Variants in PHF3 observed in about 807,000 individuals in gnomAD.
PHF3 encodes the protein PHD finger protein 3.
Under a neutral mutation model 178.4 loss-of-function variants are expected in PHF3, and 41 were observed. The ratio of observed to expected loss-of-function variants is 0.23; its 90% confidence interval spans 0.18 to 0.30. The LOEUF (loss-of-function observed/expected upper bound fraction) is 0.30. PHF3 is among the 10% of genes least tolerant of loss of function. The probability of loss-of-function intolerance (pLI) is 1.00; values close to 1 mark genes in which losing one functional copy is unlikely to be tolerated. For synonymous variants in PHF3, 842 were observed against 800.5 expected, an observed-to-expected ratio of 1.05 and a Z score of -0.88; for missense variants, 2,346 against 2,398.1, an observed-to-expected ratio of 0.98 and a Z score of 0.45.
At chr6:63,682,516 G>A (rs927952377) in intron 3 of PHF3, among the ~76,000 whole-genome samples, 1 of 152,052 alleles carries the variant, frequency 6.6e-6, no homozygotes. Context: ...TATAGCTTCA[G>A]TAGGGTTTTG....
chr6:63,678,090 G>C (rs1020500395), intron 2 of PHF3, among the ~76,000 whole-genome samples: 2 of 151,992 alleles, frequency 1.3e-5, no homozygotes, highest in Non-Finnish European at 2.9e-5. Flanking sequence ...GGGCATGATG[G>C]CACACACCTG....
chr6:63,701,868 A>G (rs947223757), intron 9 of PHF3, among the ~76,000 whole-genome samples: 1 of 152,170 alleles, frequency 6.6e-6, no homozygotes, highest in Non-Finnish European at 1.5e-5. Context: ...TCTTAAGGCC[A>G]TGTACCTGAT....
At chr6:63,651,337 C>G (rs527343379) in intron 2 of PHF3, among the ~76,000 whole-genome samples, 1 of 152,066 alleles carries the variant, frequency 6.6e-6, no homozygotes, top group Admixed American at 6.6e-5. Flanking sequence ...AGAATTTATT[C>G]CTCCTATCTA....
At chr6:63,690,152 A>C (rs945419117) in intron 4 of PHF3, among the ~76,000 whole-genome samples, 7 of 152,152 alleles carry the variant, frequency 4.6e-5, no homozygotes, top group Admixed American at 4.6e-4. Flanking sequence ...CAAAAATCTC[A>C]AACCTGTAGG....
chr6:63,664,524 A>G (rs1765598452), intron 2 of PHF3, among the ~76,000 whole-genome samples: 1 of 152,170 alleles, frequency 6.6e-6, no homozygotes, highest in African/African-American at 2.4e-5. Flanking sequence ...ACGTGTATTT[A>G]TATTACTTGT....
At position 63,720,302 on chromosome 6, in the gene PHF3, C is replaced by T; in HGVS notation, c.*6594C>T. The stretch of plus-strand genomic sequence containing the variant: ...TTACACGTTGATTTTAAAATGTAAG[C>T]ATTAGGGATAGGTAAAAAGTGAATA... On this transcript the variant is annotated 3_prime_UTR_variant, in exon 16 of 16. Transcript: ENST00000262043. 1 of 383,096 alleles carries T rather than the reference C, an allele frequency of 2.6e-6. No individual in the cohort carries two copies. The highest frequency in any genetic ancestry group is 3.7e-5 in the East Asian group (1 of 27,216). 23.7% of individuals were successfully genotyped at this position (383,096 alleles called of 1,614,324 possible).
chr6:63,690,184 G>T (rs1345518136), intron 4 of PHF3, among the ~76,000 whole-genome samples: 1 of 152,036 alleles, frequency 6.6e-6, no homozygotes, highest in Non-Finnish European at 1.5e-5. Context: ...TCTTCTAAAC[G>T]TGTGTTAACA....
At chr6:63,677,570 T>G (rs921699325) in intron 2 of PHF3, among the ~76,000 whole-genome samples, 2 of 152,218 alleles carry the variant, frequency 1.3e-5, no homozygotes, top group African/African-American at 4.8e-5. Context: ...GCTCTAAAAT[T>G]CATTACATGA....
chr6:63,673,483 A>G (rs1766014533), intron 2 of PHF3, among the ~76,000 whole-genome samples: 1 of 152,122 alleles, frequency 6.6e-6, no homozygotes, highest in Non-Finnish European at 1.5e-5. Flanking sequence ...TCAACTGCTT[A>G]TTCCACGAAA....
Position 63,706,037 on chromosome 6 carries a change from G to T in PHF3, c.3376G>T (p.Ala1126Ser). 2 of 1,611,166 alleles carry T rather than the reference G, an allele frequency of 1.2e-6. No homozygotes were observed. The highest frequency in any genetic ancestry group is 1.1e-5 in the South Asian group (1 of 90,874). Reference sequence around the variant, plus strand: ...ATGTATTCTGGGCTTAGGTCGAATGGCACCACCTGTAGATGATCTTTCTCC... The same window carrying T: ...ATGTATTCTGGGCTTAGGTCGAATGTCACCACCTGTAGATGATCTTTCTCC... ...LNCKICIGRM[A>S]PPVDDLSPKK... The change falls in exon 12 of 16, where the codon GCA becomes TCA. Residue 1126 changes from alanine to serine, a missense_variant. Coordinates refer to ENST00000262043, the MANE Select transcript of PHF3 (RefSeq NM_001370348.2).
Position 63,706,896 on chromosome 6 carries a change from T to C in PHF3, c.3711+20T>C. On this transcript the variant is annotated intron_variant, in intron 13 of 15. Transcript: ENST00000262043. ...ACAGAGGTACTGTGAACTTTTCTGC[T>C]TTTCTGTGCATGAATTGATAATGTG... 1 of 1,609,576 alleles carries C rather than the reference T, an allele frequency of 6.2e-7. No individual in the cohort carries two copies. The highest frequency in any genetic ancestry group is 8.5e-7 in the Non-Finnish European group (1 of 1,177,310).
At chr6:63,669,944 T>G (rs1422168604) in intron 2 of PHF3, among the ~76,000 whole-genome samples, 1 of 152,204 alleles carries the variant, frequency 6.6e-6, no homozygotes, top group African/African-American at 2.4e-5. Flanking sequence ...AGTAATTCTC[T>G]TATGTGTTCC....
At position 63,716,868 on chromosome 6, in the gene PHF3, G is replaced by T. The variant is rs1034022941; in HGVS notation, c.*3160G>T. ...ATTGACCCCACCCAGATAATCCAGG[G>T]TAATGTTCCTATTTTCAGGTCAGCT... On this transcript the variant is annotated 3_prime_UTR_variant, in exon 16 of 16. Coordinates refer to ENST00000262043, the MANE Select transcript of PHF3 (RefSeq NM_001370348.2). Among the ~76,000 whole-genome samples, 3 of 151,932 alleles carry T rather than the reference G, an allele frequency of 2.0e-5. No individual in the cohort carries two copies. Among genetic ancestry groups the T allele is most frequent in the Non-Finnish European group, 2.9e-5 (2 of 67,980 alleles).
At chr6:63,672,775 G>A (rs992572081) in intron 2 of PHF3, among the ~76,000 whole-genome samples, 1 of 152,286 alleles carries the variant, frequency 6.6e-6, no homozygotes, top group East Asian at 1.9e-4. Context: ...GTATGTGCCT[G>A]TAACAATAGC....
Position 63,698,506 on chromosome 6 carries a change from A to G in PHF3, c.2883A>G (p.Lys961=). 1 of 1,605,340 alleles carries G rather than the reference A, an allele frequency of 6.2e-7. No homozygotes were observed. Among genetic ancestry groups the G allele is most frequent in the Non-Finnish European group, 8.5e-7 (1 of 1,177,006 alleles). ...AAAAGGCAGCAAAAGTTGCCACAAA[A>G]ATTGAGAAAGAGCTTTTCTCTTTTT... ...PEEKAAKVAT[K]IEKELFSFFR... The change falls in exon 8 of 16, where the codon AAA becomes AAG. Residue 961 remains lysine, a synonymous_variant. Transcript: ENST00000262043.
rs960102881 is a variant in PHF3, at chr6:63,715,773, A to G, written c.*2065A>G. 3.9e-5 allele frequency among the ~76,000 whole-genome samples: 6 copies of G among 152,066 alleles called. No homozygotes were observed. Among genetic ancestry groups the G allele is most frequent in the African/African-American group, 1.4e-4 (6 of 41,430 alleles). ...ACATTTTATGGAGAATAGGGAAGGT[A>G]TGGTCATATTAGCTATTTGAGGTTT... On this transcript the variant is annotated 3_prime_UTR_variant, in exon 16 of 16. Coordinates refer to ENST00000262043, the MANE Select transcript of PHF3 (RefSeq NM_001370348.2).
intron 2 of PHF3, among the ~76,000 whole-genome samples, chr6:63,650,418 TTGAG>T (rs1312730261): frequency 1.1e-4 from 16 of 152,326 alleles, no homozygotes; most frequent in African/African-American, 3.6e-4. Context: ...TATTGTGTAA[TTGAG>T]TATTTTTTCA....
intron 2 of PHF3, among the ~76,000 whole-genome samples, chr6:63,664,828 A>G (rs1204091934): frequency 2.6e-5 from 4 of 152,052 alleles, no homozygotes; most frequent in Non-Finnish European, 5.9e-5. Flanking sequence ...ATACATTTAA[A>G]TGGAAGAAAT....
At position 63,724,302 on chromosome 6, in the gene PHF3, A is replaced by G. The variant is rs1484139794; in HGVS notation, c.*10594A>G. On this transcript the variant is annotated 3_prime_UTR_variant, in exon 16 of 16. Transcript: ENST00000262043. ...ATCCCACCGTGCTTTATTATAGATA[A>G]GAGAAACCTTGTAGGACCTAATATT... Among the ~76,000 whole-genome samples, 1 of 152,218 alleles carries G rather than the reference A, an allele frequency of 6.6e-6. No homozygotes were observed. The highest frequency in any genetic ancestry group is 1.5e-5 in the Non-Finnish European group (1 of 68,036).
Sources: gnomAD v4.1 joint callset for allele counts (sites outside exome capture counted in the v4.1 genomes callset) on GRCh38, gnomAD v4.1.1 for gene constraint, MANE v1.5 for transcripts, NCBI Gene and HGNC (gene_info 2026-07-23, HGNC 2026-07-21) for gene names.